The following MFSD12 variants were observed in gnomAD, a reference collection of about 807,000 sequenced individuals.
MFSD12 encodes major facilitator superfamily domain containing 12, also known as major facilitator superfamily domain-containing protein 12.
In MFSD12, 67 loss-of-function variants were observed where a neutral mutation model predicts 51.2. That is an observed-to-expected ratio of 1.31 (90% CI 1.08 to 1.60). MFSD12 has a LOEUF of 1.60. Ranked by LOEUF, MFSD12 falls within the 40% of genes most tolerant of loss-of-function variation. The pLI, the probability that MFSD12 is intolerant of heterozygous loss-of-function variation, is 0.00. For synonymous variants in MFSD12, 441 were observed against 316.7 expected (o/e 1.39, Z -4.17); for missense variants, 921 against 673.0 (o/e 1.37, Z -4.08).
At chr19:3,555,977 G>A (rs1007422729) in intron 1 of MFSD12, among the ~76,000 whole-genome samples, 1 of 152,152 alleles carries the variant, frequency 6.6e-6, no homozygotes, top group Non-Finnish European at 1.5e-5. Flanking sequence ...AGCCCATGAC[G>A]CCAGCCTCCT....
chr19:3,549,096 G>A (rs1378091446), intron 2 of MFSD12, among the ~76,000 whole-genome samples: 2 of 152,228 alleles, frequency 1.3e-5, no homozygotes, highest in Non-Finnish European at 2.9e-5. Context: ...GATTAAAGAA[G>A]CTGAGATTCA....
At chr19:3,541,696 G>A (rs2030431248), downstream of MFSD12, 8 of 985,356 alleles carry the variant, frequency 8.1e-6, no homozygotes. Flanking sequence ...TAACGGGGGT[G>A]AGTGCATGTA....
intron 4 of MFSD12, 129 bp downstream of exon 4, chr19:3,547,719 G>A (rs529918597): frequency 1.4e-4 from 169 of 1,238,910 alleles, no homozygotes; most frequent in Non-Finnish European, 1.7e-4. Context: ...GATGAGTGAC[G>A]TTTGCCCTGG....
rs189664883 is a variant in MFSD12 at position 3,552,897 on chromosome 19, C to T, written c.299-1703G>A. Among the ~76,000 whole-genome samples the T allele has an allele frequency of 5.4e-3, 828 of 152,234 alleles. 4 individuals are homozygous for T. The highest frequency in any genetic ancestry group is 8.0e-3 in the Non-Finnish European group (546 of 68,010). Reference sequence around the variant, plus strand: ...GAAAATTGAGGCCCCTAGAGTGAGTCGGAGCCAGGCTCCTTCCCTGCAGCC... The same window carrying T: ...GAAAATTGAGGCCCCTAGAGTGAGTTGGAGCCAGGCTCCTTCCCTGCAGCC... On this transcript the variant is annotated intron_variant, in intron 1 of 9. Coordinates refer to ENST00000355415, the MANE Select transcript of MFSD12 (RefSeq NM_174983.5).
rs907749931 is a variant in MFSD12, at chr19:3,544,363, T to C, written c.*347A>G. 3.9e-6 allele frequency: 5 copies of C among 1,273,690 alleles called. No individual in the cohort carries two copies. The highest frequency in any genetic ancestry group is 7.5e-5 in the Admixed American group (2 of 26,568). 78.9% of individuals were successfully genotyped at this position (1,273,690 alleles called of 1,614,324 possible). ...TGGCAGTGTCTGGAGACCCCCAGGC[T>C]GGAGGTGAGGGGTGAACTGGACTGA... On this transcript the variant is annotated 3_prime_UTR_variant, in exon 10 of 10. Coordinates refer to ENST00000355415, the MANE Select transcript of MFSD12 (RefSeq NM_174983.5).
chr19:3,544,521 G>A lies in MFSD12; in HGVS notation c.*189C>T, dbSNP rs941890438. 18 of 1,405,406 alleles carry A rather than the reference G, an allele frequency of 1.3e-5. No homozygotes were observed. The highest frequency in any genetic ancestry group is 3.0e-5 in the Admixed American group (1 of 33,824). 87.1% of individuals were successfully genotyped at this position (1,405,406 alleles called of 1,614,324 possible). A position where few individuals can be genotyped will look rare whatever the true frequency, so the allele number is the denominator to read the frequency against. On this transcript the variant is annotated 3_prime_UTR_variant, in exon 10 of 10. Coordinates refer to ENST00000355415, the MANE Select transcript of MFSD12 (RefSeq NM_174983.5). ...AATGGGACACCCTCAAAACCCAGGG[G>A]GTCCTTGCAAGTCCCTGGCGGGCAT... is the stretch of plus-strand genomic sequence containing the variant.
chr19:3,546,412 G>A lies in MFSD12; in HGVS notation c.1037C>T (p.Ser346Leu). ...KCIGRNMTYF[S>L]GLLVILAFAA... ...AAAGGCCAGGATCACCAGGAGGCCTGAGAAGTAGGTCATCTGCAGGGACAG... is the reference window on the plus strand; with the variant it reads ...AAAGGCCAGGATCACCAGGAGGCCTAAGAAGTAGGTCATCTGCAGGGACAG... The change falls in exon 7 of 10, where the codon TCA (serine) becomes TTA (leucine). Residue 346 changes from serine (S) to leucine (L), a missense_variant. By Grantham distance (145) the Ser-to-Leu change is moderately radical (BLOSUM62 -2). Coordinates refer to ENST00000355415, the MANE Select transcript of MFSD12 (RefSeq NM_174983.5). 4 of 1,606,334 alleles carry A rather than the reference G, an allele frequency of 2.5e-6. No homozygotes were observed. The highest frequency in any genetic ancestry group is 2.5e-6 in the Non-Finnish European group (3 of 1,177,202).
downstream of MFSD12, chr19:3,542,226 G>C (rs755626175): frequency 1.0e-6 from 1 of 985,428 alleles, no homozygotes; most frequent in Non-Finnish European, 1.2e-6. Flanking sequence ...CCGAGTCTAT[G>C]TGGGGTCCCT....
At chr19:3,546,453 C>T (rs2031062778) in intron 6 of MFSD12, 28 bp from the exon 7 acceptor site, 1 of 1,585,040 alleles carries the variant, frequency 6.3e-7, no homozygotes, top group Non-Finnish European at 8.6e-7. Flanking sequence ...GGGTCAGGCC[C>T]ACACCACTGG....
chr19:3,547,084 C>T (rs1011871445), intron 6 of MFSD12, among the ~76,000 whole-genome samples, 188 bp downstream of exon 6: 1 of 152,184 alleles, frequency 6.6e-6, no homozygotes, highest in Admixed American at 6.5e-5. Context: ...GTGATCCGCC[C>T]GCCTCGGCCT....
intron 2 of MFSD12, among the ~76,000 whole-genome samples, chr19:3,549,105 C>T (rs2031300515): frequency 1.3e-5 from 2 of 152,210 alleles, no homozygotes; most frequent in African/African-American, 2.4e-5. Flanking sequence ...AGCTGAGATT[C>T]ATGTTAAGGG....
intron 4 of MFSD12, chr19:3,538,946 T>G (rs2030123432): frequency 1.6e-6 from 1 of 644,818 alleles, no homozygotes; most frequent in South Asian, 1.7e-5. Flanking sequence ...AGCTGGGGGC[T>G]CAGGGCCACG....
intron 1 of MFSD12, among the ~76,000 whole-genome samples, chr19:3,554,445 C>CAA (rs2031634435): frequency 9.6e-6 from 1 of 104,054 alleles, no homozygotes; most frequent in African/African-American, 3.6e-5. Context: ...TCAACAACAA[C>CAA]AAAACAAAAA....
rs771151015 is a variant in MFSD12, at chr19:3,546,056, A to C, written c.1289+18T>G. The C allele has an allele frequency of 6.2e-7, 1 of 1,611,710 alleles. No homozygotes were observed. Among genetic ancestry groups the C allele is most frequent in the Non-Finnish European group, 8.5e-7 (1 of 1,178,642 alleles). The stretch of plus-strand genomic sequence containing the variant: ...TCTTACTGAACAAAAGAATGAATGA[A>C]CGAACAGCGGCACTCACGGGCAAGG... On this transcript the variant is annotated intron_variant, in intron 8 of 9. Coordinates refer to ENST00000355415, the MANE Select transcript of MFSD12 (RefSeq NM_174983.5).
downstream of MFSD12, chr19:3,543,927 A>C: frequency 1.3e-6 from 2 of 1,551,064 alleles, no homozygotes; most frequent in South Asian, 1.2e-5. Context: ...CACCACCCAG[A>C]ACTACCGGGA....
intron 8 of MFSD12, among the ~76,000 whole-genome samples, chr19:3,545,711 G>C (rs2030954134): frequency 6.6e-6 from 1 of 152,362 alleles, no homozygotes; most frequent in South Asian, 2.1e-4. Flanking sequence ...GTGGTTTCCA[G>C]GCCCTGGGCC....
downstream of MFSD12, chr19:3,542,158 A>G (rs754911645): frequency 2.0e-6 from 2 of 985,396 alleles, no homozygotes; most frequent in Non-Finnish European, 2.4e-6. Context: ...GTGTCTTGCA[A>G]TTCATTTCAA....
chr19:3,549,756 G>A (rs2031365483), intron 2 of MFSD12, among the ~76,000 whole-genome samples: 1 of 149,892 alleles, frequency 6.7e-6, no homozygotes, highest in Non-Finnish European at 1.5e-5. Context: ...AGGCACAGTG[G>A]CTCACGCCTG....
chr19:3,557,109 C>A lies in MFSD12; in HGVS notation c.295G>T (p.Val99Phe). 1 of 1,476,530 alleles carries A rather than the reference C, an allele frequency of 6.8e-7. No homozygotes were observed. 91.5% of individuals were successfully genotyped at this position (1,476,530 alleles called of 1,614,324 possible). ...RYGPRKAWHLVGTVCVLLSFP... is the reference protein window; with the variant it reads ...RYGPRKAWHLFGTVCVLLSFP... ...GTGGCGGGGCCGGGACGCTTACCGA[C>A]CAGGTGCCAGGCCTTGCGCGGGCCG... Residue 99 changes from valine (V) to phenylalanine (F), a missense_variant, in exon 1 of 10, where the codon GTC becomes TTC. Physicochemically the swap from Val to Phe is conservative, Grantham distance 50. Coordinates refer to ENST00000355415, the MANE Select transcript of MFSD12 (RefSeq NM_174983.5).
Sources: gnomAD v4.1 joint callset for allele counts (sites outside exome capture counted in the v4.1 genomes callset) on GRCh38, gnomAD v4.1.1 for gene constraint, MANE v1.5 for transcripts, NCBI Gene and HGNC (gene_info 2026-07-23, HGNC 2026-07-21) for gene names.